Variants in CSMD3 observed in about 807,000 individuals in gnomAD.
The protein encoded by CSMD3 is CUB and sushi domain-containing protein 3.
In CSMD3, 177 loss-of-function variants were observed where a neutral mutation model predicts 435.2. That is an observed-to-expected ratio of 0.41 (90% confidence interval 0.36 to 0.46). The LOEUF is 0.46. Among genes scored for constraint, CSMD3 ranks in the 20% least tolerant of loss-of-function variants. The pLI is 0.34. For synonymous variants in CSMD3, 1,656 were observed against 1,520.5 expected (o/e 1.09, Z -2.07); for missense variants, 4,265 against 4,504.6 (o/e 0.95, Z 1.52).
chr8:113,358,994 T>C (rs1214292327), intron 1 of CSMD3, among the ~76,000 whole-genome samples: 1 of 152,026 alleles, frequency 6.6e-6, no homozygotes, highest in African/African-American at 2.4e-5. Flanking sequence ...GTTGATAATA[T>C]TAAAGATATT....
At chr8:112,543,626 T>C (rs1280957600) in intron 27 of CSMD3, among the ~76,000 whole-genome samples, 1 of 152,076 alleles carries the variant, frequency 6.6e-6, no homozygotes. Flanking sequence ...ATGCTATTGG[T>C]GGGAACGCAA....
At chr8:112,792,034 A>C (rs999807508) in intron 13 of CSMD3, among the ~76,000 whole-genome samples, 5 of 151,718 alleles carry the variant, frequency 3.3e-5, no homozygotes, top group Non-Finnish European at 7.4e-5. Flanking sequence ...TGTTTCATCA[A>C]CTCTTTTACT....
intron 2 of CSMD3, among the ~76,000 whole-genome samples, chr8:113,304,176 C>T (rs2093798704): frequency 1.0e-5 from 1 of 99,936 alleles, no homozygotes. Flanking sequence ...CTCATCATCA[C>T]TGGCCATCAG....
intron 27 of CSMD3, among the ~76,000 whole-genome samples, chr8:112,541,670 C>T (rs548775502): frequency 2.0e-5 from 3 of 151,766 alleles, no homozygotes; most frequent in East Asian, 1.9e-4. Context: ...TTCTACCAAA[C>T]GTTTAAATAA....
chr8:112,572,973 T>A (rs1295802280), intron 24 of CSMD3, among the ~76,000 whole-genome samples: 1 of 152,098 alleles, frequency 6.6e-6, no homozygotes, highest in Non-Finnish European at 1.5e-5. Flanking sequence ...ATAGTCAAAA[T>A]AGCTGACTTT....
At chr8:112,810,498 C>T (rs2079195957) in intron 12 of CSMD3, among the ~76,000 whole-genome samples, 1 of 151,946 alleles carries the variant, frequency 6.6e-6, no homozygotes, top group African/African-American at 2.4e-5. Flanking sequence ...AAGTAAATGT[C>T]TATTATTTGC....
intron 38 of CSMD3, among the ~76,000 whole-genome samples, chr8:112,379,157 A>G (rs1173275737): frequency 3.9e-5 from 6 of 152,210 alleles, no homozygotes; most frequent in Admixed American, 3.9e-4. Context: ...AGGAGGTGAA[A>G]GACTTGCACT....
intron 23 of CSMD3, 88 bp from the exon 24 acceptor site, chr8:112,573,745 T>A (rs1000598239): frequency 2.7e-6 from 3 of 1,106,382 alleles, no homozygotes. Context: ...AAGAGAAAAG[T>A]GTACTTTTTC....
At chr8:113,361,072 A>T (rs2094272433) in intron 1 of CSMD3, among the ~76,000 whole-genome samples, 1 of 152,202 alleles carries the variant, frequency 6.6e-6, no homozygotes. Flanking sequence ...TTTAGATGGC[A>T]TCTTTAAGTA....
At chr8:112,687,139 T>C (rs1427493772) in intron 14 of CSMD3, among the ~76,000 whole-genome samples, 1 of 152,008 alleles carries the variant, frequency 6.6e-6, no homozygotes, top group Non-Finnish European at 1.5e-5. Flanking sequence ...AAATTTCTGA[T>C]TTAAAGTTAT....
At chr8:113,087,421 C>T (rs545805738) in intron 5 of CSMD3, among the ~76,000 whole-genome samples, 1 of 152,136 alleles carries the variant, frequency 6.6e-6, no homozygotes, top group Non-Finnish European at 1.5e-5. Context: ...GCCAAAAGAA[C>T]AAAGCTGGAG....
intron 42 of CSMD3, among the ~76,000 whole-genome samples, chr8:112,340,922 C>A (rs1463674926): frequency 6.6e-6 from 1 of 152,012 alleles, no homozygotes; most frequent in Non-Finnish European, 1.5e-5. Flanking sequence ...TCTACTTACG[C>A]CCAAACCCTT....
intron 42 of CSMD3, 43 bp downstream of exon 42, chr8:112,341,434 A>G: frequency 8.3e-7 from 1 of 1,205,072 alleles, no homozygotes; most frequent in East Asian, 2.4e-5. Flanking sequence ...CTAATAGCTG[A>G]TTTGGGGTTA....
intron 19 of CSMD3, among the ~76,000 whole-genome samples, chr8:112,647,159 A>T (rs921522242): frequency 6.6e-6 from 1 of 152,158 alleles, no homozygotes; most frequent in Non-Finnish European, 1.5e-5. Flanking sequence ...CCACATTAAG[A>T]GTACTATTTT....
chr8:112,473,212 T>A (rs957524176), intron 31 of CSMD3, among the ~76,000 whole-genome samples: 10 of 152,072 alleles, frequency 6.6e-5, no homozygotes, highest in African/African-American at 2.4e-4. Context: ...ATCACAGGAG[T>A]TGTTGATTGT....
intron 10 of CSMD3, among the ~76,000 whole-genome samples, chr8:112,899,000 C>T (rs1417094022): frequency 1.3e-5 from 2 of 151,162 alleles, no homozygotes; most frequent in Non-Finnish European, 3.0e-5. Context: ...ATAGAACTTG[C>T]TCTTGAAAAT....
chr8:113,177,994 A>ACC (rs2092372014), intron 3 of CSMD3, among the ~76,000 whole-genome samples: 1 of 151,982 alleles, frequency 6.6e-6, no homozygotes, highest in Non-Finnish European at 1.5e-5. Context: ...AGTTGAAAGA[A>ACC]AAGATCAATT....
intron 68 of CSMD3, among the ~76,000 whole-genome samples, chr8:112,233,406 T>C (rs1252144471): frequency 6.6e-6 from 1 of 152,214 alleles, no homozygotes. Flanking sequence ...AACTCCATCA[T>C]TTTAATGAAT....
intron 4 of CSMD3, among the ~76,000 whole-genome samples, chr8:113,158,066 CA>C (rs2091966534): frequency 1.3e-5 from 2 of 150,938 alleles, no homozygotes; most frequent in African/African-American, 4.9e-5. Flanking sequence ...AGTATTTGTT[CA>C]AAAATACCCA....
Sources: gnomAD v4.1 joint callset for allele counts (sites outside exome capture counted in the v4.1 genomes callset) on GRCh38, gnomAD v4.1.1 for gene constraint, MANE v1.5 for transcripts, NCBI Gene and HGNC (gene_info 2026-07-23, HGNC 2026-07-21) for gene names.